Variants in NDST3 observed in about 807,000 individuals in gnomAD.
The protein encoded by NDST3 is bifunctional heparan sulfate N-deacetylase/N-sulfotransferase 3.
In NDST3, 58 loss-of-function variants were observed where a neutral mutation model predicts 96.1. That is an observed-to-expected ratio of 0.60 (90% CI 0.49 to 0.75). The LOEUF (loss-of-function observed/expected upper bound fraction) is 0.75, where lower values mean the gene tolerates loss of function less well. Ranked by LOEUF, NDST3 falls within the 30% of genes least tolerant of loss-of-function variation. The pLI, the probability that NDST3 is intolerant of heterozygous loss-of-function variation, is 0.00. For missense variants in NDST3, 788 were observed against 1,034.2 expected, an observed-to-expected ratio of 0.76 and a Z score of 3.27; for synonymous variants, 333 against 359.7, an observed-to-expected ratio of 0.93 and a Z score of 0.84.
chr4:118,066,951 A>T (rs6842558), intron 2 of NDST3, among the ~76,000 whole-genome samples: 32 of 13,202 alleles, frequency 2.4e-3, no homozygotes, highest in East Asian at 0.014. Flanking sequence ...GTTATATATT[A>T]TATATATATA....
At chr4:118,167,048 A>T (rs1735598463) in intron 6 of NDST3, among the ~76,000 whole-genome samples, 1 of 151,618 alleles carries the variant, frequency 6.6e-6, no homozygotes, top group Non-Finnish European at 1.5e-5. Context: ...CATAGCAGTT[A>T]GGCAAGAAAA....
intron 4 of NDST3, among the ~76,000 whole-genome samples, chr4:118,133,856 G>C (rs941556893): frequency 2.6e-5 from 4 of 152,166 alleles, no homozygotes; most frequent in African/African-American, 9.7e-5. Context: ...TATTTGTTGA[G>C]TACTTGCCAT....
intron 12 of NDST3, among the ~76,000 whole-genome samples, chr4:118,245,783 A>C (rs1741276767): frequency 6.6e-6 from 1 of 152,142 alleles, no homozygotes; most frequent in African/African-American, 2.4e-5. Flanking sequence ...TATATGTCCT[A>C]TATATCTCTC....
At chr4:118,082,774 G>A (rs1728124119) in intron 2 of NDST3, among the ~76,000 whole-genome samples, 1 of 152,088 alleles carries the variant, frequency 6.6e-6, no homozygotes, top group Admixed American at 6.5e-5. Flanking sequence ...AACTACCTCA[G>A]ACTGGGTAGT....
chr4:118,128,011 T>C (rs10014096), intron 4 of NDST3, among the ~76,000 whole-genome samples: 120,483 of 151,934 alleles, frequency 0.79, 50,190 homozygotes, highest in South Asian at 0.92. Context: ...TATAGAAATG[T>C]TACTGGCTTT....
At chr4:118,165,815 TTTGGGTACAAGAAA>T (rs1735509189) in intron 6 of NDST3, among the ~76,000 whole-genome samples, 2 of 151,700 alleles carry the variant, frequency 1.3e-5, no homozygotes, top group Admixed American at 1.3e-4. Flanking sequence ...TCAATAACAA[TTTGGGTACAAGAAA>T]AAAATCAAAA....
intron 6 of NDST3, among the ~76,000 whole-genome samples, chr4:118,177,244 T>C (rs1223574710): frequency 6.6e-6 from 1 of 151,986 alleles, no homozygotes; most frequent in Non-Finnish European, 1.5e-5. Flanking sequence ...TCCTGGTAAA[T>C]AGGATAGGAT....
chr4:118,244,999 A>G (rs2126009296), intron 12 of NDST3, among the ~76,000 whole-genome samples: 1 of 152,126 alleles, frequency 6.6e-6, no homozygotes, highest in East Asian at 1.9e-4. Flanking sequence ...ATAATTTACA[A>G]CTCTTGTTCC....
At chr4:118,127,947 T>C (rs1368004464) in intron 4 of NDST3, among the ~76,000 whole-genome samples, 2 of 152,022 alleles carry the variant, frequency 1.3e-5, no homozygotes, top group Non-Finnish European at 2.9e-5. Context: ...TATTTGTGGC[T>C]ACTATAAATG....
intron 2 of NDST3, among the ~76,000 whole-genome samples, chr4:118,093,295 A>ATC (rs1729031186): frequency 1.3e-5 from 2 of 151,898 alleles, no homozygotes; most frequent in East Asian, 3.9e-4. Flanking sequence ...TTTCTCCTCA[A>ATC]AACATGCTGT....
chr4:118,175,241 C>A (rs1376185906), intron 6 of NDST3, among the ~76,000 whole-genome samples: 1 of 152,016 alleles, frequency 6.6e-6, no homozygotes. Context: ...CCAGTATTCC[C>A]AAGTAAACTC....
At position 118,094,319 on chromosome 4, in the gene NDST3, G is replaced by A. The variant is rs116297765; in HGVS notation, c.982-10699G>A. 5.8e-3 allele frequency among the ~76,000 whole-genome samples: 880 copies of A among 151,822 alleles called. 7 individuals are homozygous for A. The highest frequency in any genetic ancestry group is 0.019 in the African/African-American group (786 of 41,456). On this transcript the variant is annotated intron_variant, in intron 2 of 13. Transcript: ENST00000296499. The stretch of plus-strand genomic sequence containing the variant: ...ACTTGCATCCAAAGAAAATTATAAC[G>A]CATTTCATCCCATCAAACTTATAAT...
At position 118,105,048 on chromosome 4, in the gene NDST3, G is replaced by C. The variant is rs1444340030; in HGVS notation, c.1012G>C (p.Ala338Pro). The change falls in exon 3 of 14, where the codon GCA becomes CCA. Residue 338 changes from alanine (A) to proline (P), a missense_variant. This residue lies in a region of NDST3 where 490 missense variants were observed against 708.8 expected (regional missense o/e 0.69). Transcript: ENST00000296499. The part of the protein sequence containing the change: ...ALLDTQNLLR[A>P]QITNFTFNLG... ...GCTTGATACTCAGAATCTTTTGCGTGCACAAATCACAAATTTTACATTCAA... is the reference window on the plus strand; with the variant it reads ...GCTTGATACTCAGAATCTTTTGCGTCCACAAATCACAAATTTTACATTCAA... 2.5e-6 allele frequency: 4 copies of C among 1,613,284 alleles called. No homozygotes were observed. The South Asian group carries it at 4.4e-5, about 18-fold the overall frequency.
rs763906034 is a variant in NDST3 at position 118,043,910 on chromosome 4, G to T, written c.-156+9318G>T. On this transcript the variant is annotated intron_variant, in intron 1 of 13. Transcript: ENST00000296499. Reference sequence around the variant, plus strand: ...TGTTAGACCAATTCCTCAGGGACGTGCACTGGAATTTTTTCTTTAGCTTCA... The same window carrying T: ...TGTTAGACCAATTCCTCAGGGACGTTCACTGGAATTTTTTCTTTAGCTTCA... Among the ~76,000 whole-genome samples the T allele has an allele frequency of 3.2e-4, 49 of 152,322 alleles. 1 individual carries two copies. The highest frequency in any genetic ancestry group is 4.1e-4 in the South Asian group (2 of 4,830).
rs768305362 is a variant in NDST3, at chr4:118,253,581, T to G, written c.2482T>G (p.Tyr828Asp). Residue 828 changes from tyrosine to aspartate, a missense_variant, in exon 13 of 14, where the codon TAC becomes GAC. By Grantham distance (160) the Tyr-to-Asp change is radical (BLOSUM62 -3). This residue lies in a region of NDST3 where 64 missense variants were observed against 68.5 expected (regional missense o/e 0.93). Transcript: ENST00000296499. Reference sequence around the variant, plus strand: ...CCTTGGAAAGAGCAAAGGAAGAAAATACCCTCCAATGGATTCTGATGTAAG... The same window carrying G: ...CCTTGGAAAGAGCAAAGGAAGAAAAGACCCTCCAATGGATTCTGATGTAAG... Reference protein sequence around the residue: ...KCLGKSKGRKYPPMDSDSRTF... With the variant: ...KCLGKSKGRKDPPMDSDSRTF... The G allele has an allele frequency of 1.5e-5, 24 of 1,610,166 alleles. No individual in the cohort carries two copies. The Admixed American group carries it at 2.5e-4, about 17-fold the overall frequency.
Position 118,103,393 on chromosome 4 carries a change from A to T in NDST3, c.982-1625A>T, listed in dbSNP as rs112165272. On this transcript the variant is annotated intron_variant, in intron 2 of 13. Coordinates refer to ENST00000296499, the MANE Select transcript of NDST3 (RefSeq NM_004784.3). The stretch of plus-strand genomic sequence containing the variant: ...CTAGAATGTTCAACTGGGGAACAAC[A>T]GAATTGAGAGAGGAAGAAGGGGAGA... Among the ~76,000 whole-genome samples, 74 of 152,262 alleles carry T rather than the reference A, an allele frequency of 4.9e-4. 1 individual carries two copies. The highest frequency in any genetic ancestry group is 1.6e-3 in the African/African-American group (66 of 41,572).
chr4:118,165,025 G>A (rs1735448715), intron 6 of NDST3, among the ~76,000 whole-genome samples: 1 of 152,060 alleles, frequency 6.6e-6, no homozygotes, highest in South Asian at 2.1e-4. Context: ...AAGATGGACA[G>A]AAAAGCCTCA....
At chr4:118,042,679 A>G (rs918703760) in intron 1 of NDST3, among the ~76,000 whole-genome samples, 1 of 152,212 alleles carries the variant, frequency 6.6e-6, no homozygotes, top group African/African-American at 2.4e-5. Context: ...ATAGTATCCT[A>G]TATTTTAGTT....
At chr4:118,225,165 G>C (rs1273634822) in intron 7 of NDST3, among the ~76,000 whole-genome samples, 1 of 152,150 alleles carries the variant, frequency 6.6e-6, no homozygotes, top group Non-Finnish European at 1.5e-5. Flanking sequence ...ATTAATTGGG[G>C]ATTAATATGG....
Sources: gnomAD v4.1 joint callset for allele counts (sites outside exome capture counted in the v4.1 genomes callset) on GRCh38, gnomAD v4.1.1 for gene constraint, gnomAD v4.1.1 regional missense constraint, MANE v1.5 for transcripts, NCBI Gene and HGNC (gene_info 2026-07-23, HGNC 2026-07-21) for gene names.